Variants in CCNP observed in about 807,000 individuals in gnomAD.
CCNP encodes the protein cyclin-P.
Under a neutral mutation model 19.6 loss-of-function variants are expected in CCNP, and 18 were observed. The observed-to-expected ratio is 0.92, with a 90% CI of 0.64 to 1.36. CCNP has a LOEUF of 1.36. Ranked by LOEUF, CCNP falls within the 40% of genes most tolerant of loss-of-function variation. The pLI is 0.00. For synonymous variants in CCNP, 228 were observed against 194.9 expected (o/e 1.17, Z -1.41); for missense variants, 440 against 424.4 (o/e 1.04, Z -0.32).
intron 1 of CCNP, among the ~76,000 whole-genome samples, chr19:40,225,978 A>G (rs535713878): frequency 7.0e-4 from 107 of 152,286 alleles, no homozygotes; most frequent in African/African-American, 2.3e-3. Context: ...GGCGAGGCCA[A>G]TGTTTTGGTT....
chr19:40,224,853 C>T (rs1292467293), intron 1 of CCNP, 42 bp from the exon 2 acceptor site: 1 of 1,495,540 alleles, frequency 6.7e-7, no homozygotes, highest in East Asian at 2.5e-5. Context: ...ACACCTGTGC[C>T]TCTGCCTTTC....
rs1256851080 is a variant in CCNP, at chr19:40,224,584, G to A, written c.417C>T (p.Tyr139=). 1 of 1,614,104 alleles carries A rather than the reference G, an allele frequency of 6.2e-7. No individual in the cohort carries two copies. The highest frequency in any genetic ancestry group is 1.3e-5 in the African/African-American group (1 of 74,934). Residue 139 remains tyrosine, a synonymous_variant, in exon 3 of 5, where the codon TAC becomes TAT. Coordinates refer to ENST00000430325, the MANE Select transcript of CCNP (RefSeq NM_024877.4). The stretch of plus-strand genomic sequence containing the variant: ...GTAGACGCACGCGGCCAGCGCTCAG[G>A]TAGGAATCAAGCAGGTGAACCGCCA... ...LYLAVHLLDS[Y]LSAGRVRLHR... is the part of the protein sequence containing the mutation.
rs1404521441 is a variant in CCNP, at chr19:40,222,450, C to G, written c.*602G>C. 5.8e-5 allele frequency: 23 copies of G among 398,578 alleles called. No homozygotes were observed. Among genetic ancestry groups the G allele is most frequent in the Non-Finnish European group, 5.8e-5 (13 of 225,990 alleles). The allele number at this position is 398,578 out of a possible 1,614,324, so 24.7% of individuals were successfully genotyped here. A position where few individuals can be genotyped will look rare whatever the true frequency, so the allele number is the denominator to read the frequency against. ...AGCGCAGCGCGGGCCATGCACGGCT[C>G]GAGGGTGCCCAGTTCCTCGGGGCTG... On this transcript the variant is annotated 3_prime_UTR_variant, in exon 5 of 5. Coordinates refer to ENST00000430325, the MANE Select transcript of CCNP (RefSeq NM_024877.4).
rs111628764 is a variant in CCNP, at chr19:40,223,979, T to G, written c.514-433A>C. On this transcript the variant is annotated intron_variant, in intron 3 of 4. Transcript: ENST00000430325. ...CCCAAAGTGATTTGTTTTGTTTTTT[T>G]TTGTTGTTGTTGTTTGTTTTTTTGG... is the stretch of plus-strand genomic sequence containing the variant. Among the ~76,000 whole-genome samples the G allele has an allele frequency of 4.2e-3, 642 of 152,022 alleles. 5 individuals are homozygous for G. The highest frequency in any genetic ancestry group is 0.012 in the African/African-American group (504 of 41,396).
Position 40,222,288 on chromosome 19 carries a change from T to G in CCNP, c.*764A>C, listed in dbSNP as rs751067063. ...TTTTGTTTTTTGTTGTTGATTTTTTTGTGACTGAGTCCCAGTACTCAGGGA... is the reference window on the plus strand; with the variant it reads ...TTTTGTTTTTTGTTGTTGATTTTTTGGTGACTGAGTCCCAGTACTCAGGGA... On this transcript the variant is annotated 3_prime_UTR_variant, in exon 5 of 5. Transcript: ENST00000430325. 10 of 398,796 alleles carry G rather than the reference T, an allele frequency of 2.5e-5. No homozygotes were observed. The highest frequency in any genetic ancestry group is 3.5e-5 in the Non-Finnish European group (8 of 225,978). The allele number at this position is 398,796 out of a possible 1,614,324, so 24.7% of individuals were successfully genotyped here.
chr19:40,222,974 C>A lies in CCNP; in HGVS notation c.*78G>T. 1 of 815,388 alleles carries A rather than the reference C, an allele frequency of 1.2e-6. No homozygotes were observed. The highest frequency in any genetic ancestry group is 1.9e-6 in the Non-Finnish European group (1 of 517,622). The allele number at this position is 815,388 out of a possible 1,614,324, so 50.5% of individuals were successfully genotyped here. A position where few individuals can be genotyped will look rare whatever the true frequency, so the allele number is the denominator to read the frequency against. ...ACTCTGGGGCAAGGTTAAGAGACCC[C>A]AGATCTGGACTAATGGGGTCCTCCC... On this transcript the variant is annotated 3_prime_UTR_variant, in exon 5 of 5. Coordinates refer to ENST00000430325, the MANE Select transcript of CCNP (RefSeq NM_024877.4).
At chr19:40,224,961 G>A (rs890102396) in intron 1 of CCNP, 150 bp from the exon 2 acceptor site, 14 of 660,308 alleles carry the variant, frequency 2.1e-5, no homozygotes, top group Non-Finnish European at 3.4e-5. Context: ...CTCCTCTTAC[G>A]TGTCCTCACC....
chr19:40,224,845 ACCTGTGCCTCTGCCTTTCT>A, intron 1 of CCNP, 34 bp from the exon 2 acceptor site: 1 of 1,517,482 alleles, frequency 6.6e-7, no homozygotes, highest in Non-Finnish European at 8.9e-7. Flanking sequence ...CACTCTCCAC[ACCTGTGCCTCTGCCTTTCT>A]CCTGAGCTCC....
intron 1 of CCNP, chr19:40,225,055 G>A (rs1486341900): frequency 4.2e-6 from 2 of 473,596 alleles, no homozygotes; most frequent in Admixed American, 8.7e-5. Flanking sequence ...TAGGTTCCCA[G>A]ACTTCACTTT....
intron 2 of CCNP, 39 bp from the exon 3 acceptor site, chr19:40,224,682 C>T: frequency 1.2e-6 from 2 of 1,612,430 alleles, no homozygotes; most frequent in Non-Finnish European, 1.7e-6. Context: ...TCCTGGGCGG[C>T]GACGCAAACT....
chr19:40,226,109 A>G (rs1194383344), intron 1 of CCNP, among the ~76,000 whole-genome samples: 1 of 152,268 alleles, frequency 6.6e-6, no homozygotes, highest in Non-Finnish European at 1.5e-5. Context: ...TGTTAAACAA[A>G]TAAATGTGGA....
chr19:40,224,983 G>A, intron 1 of CCNP, 172 bp from the exon 2 acceptor site: 3 of 616,028 alleles, frequency 4.9e-6, no homozygotes, highest in Non-Finnish European at 8.5e-6. Flanking sequence ...AGAACTCTGG[G>A]CTTCGTTCCA....
Position 40,222,443 on chromosome 19 carries a change from C to T in CCNP, c.*609G>A, listed in dbSNP as rs1973460311. The T allele has an allele frequency of 1.5e-5, 6 of 398,638 alleles. No individual in the cohort carries two copies. The highest frequency in any genetic ancestry group is 1.3e-5 in the Non-Finnish European group (3 of 225,988). 24.7% of individuals were successfully genotyped at this position (398,638 alleles called of 1,614,324 possible). ...ACCTCGGAGCGCAGCGCGGGCCATG[C>T]ACGGCTCGAGGGTGCCCAGTTCCTC... On this transcript the variant is annotated 3_prime_UTR_variant, in exon 5 of 5. Coordinates refer to ENST00000430325, the MANE Select transcript of CCNP (RefSeq NM_024877.4).
rs763112058 is a variant in CCNP, at chr19:40,223,236, G to A, written c.740C>T (p.Pro247Leu). The A allele has an allele frequency of 1.2e-4, 191 of 1,546,582 alleles. No individual in the cohort carries two copies. The highest frequency in any genetic ancestry group is 1.5e-4 in the Non-Finnish European group (166 of 1,144,164). ...CAGAGCCGCAGCCGCACGACGACCC[G>A]GCTCCCATCCCGCCGCCTCGGCCTC... Reference protein sequence around the residue: ...LLEAEAAGWEPGRRAAAALSL... With the variant: ...LLEAEAAGWELGRRAAAALSL... The change falls in exon 5 of 5, where the codon CCG becomes CTG. Residue 247 changes from proline to leucine, a missense_variant. Physicochemically the swap from Pro to Leu is moderately conservative, Grantham distance 98. Transcript: ENST00000430325.
Position 40,226,367 on chromosome 19 carries a change from A to G in CCNP, c.267+8T>C. On this transcript the variant is annotated splice_region_variant and intron_variant, in intron 1 of 4. Transcript: ENST00000430325. ...GCCCTCACCAGGGCAGGCGGCGGGT[A>G]GGCTCACCATGACTTCGGCGAAGAT... is the stretch of plus-strand genomic sequence containing the variant. 1.2e-6 allele frequency: 2 copies of G among 1,603,906 alleles called. No homozygotes were observed. Among genetic ancestry groups the G allele is most frequent in the Non-Finnish European group, 8.5e-7 (1 of 1,178,918 alleles).
Position 40,226,464 on chromosome 19 carries a change from C to A in CCNP, c.178G>T (p.Ala60Ser). The A allele has an allele frequency of 6.2e-7, 1 of 1,608,142 alleles. No homozygotes were observed. The highest frequency in any genetic ancestry group is 8.5e-7 in the Non-Finnish European group (1 of 1,178,602). Residue 60 changes from alanine to serine, a missense_variant, in exon 1 of 5, where the codon GCG (alanine) becomes TCG (serine). Ala to Ser is a moderately conservative substitution (Grantham distance 99). Transcript: ENST00000430325. ...AGPTVSPRRL[A>S]RPPGLEEALS... is the part of the protein sequence containing the mutation. ...GCCTCCTCCAGCCCCGGCGGCCTCG[C>A]CAGGCGTCTTGGGGAGACAGTGGGG...
chr19:40,226,251 G>A (rs2145120005), intron 1 of CCNP, 124 bp downstream of exon 1: 1 of 828,098 alleles, frequency 1.2e-6, no homozygotes. Flanking sequence ...TTGCAGGGAA[G>A]GAACGCCGGC....
At position 40,224,581 on chromosome 19, in the gene CCNP, CAGGT is replaced by C; in HGVS notation, c.416_419del (p.Tyr139Ter). On this transcript the variant is annotated frameshift_variant, in exon 3 of 5. Coordinates refer to ENST00000430325, the MANE Select transcript of CCNP (RefSeq NM_024877.4). LOFTEE classifies it high-confidence loss of function. ...GATGTAGACGCACGCGGCCAGCGCT[CAGGT>C]AGGAATCAAGCAGGTGAACCGCCAG... 6.2e-7 allele frequency: 1 copy of C among 1,614,196 alleles called. No individual in the cohort carries two copies. Among genetic ancestry groups the C allele is most frequent in the Non-Finnish European group, 8.5e-7 (1 of 1,180,032 alleles).
Position 40,223,474 on chromosome 19 carries a change from G to T in CCNP, c.586C>A (p.Leu196Met). 4 of 1,611,168 alleles carry T rather than the reference G, an allele frequency of 2.5e-6. No homozygotes were observed. Among genetic ancestry groups the T allele is most frequent in the Non-Finnish European group, 2.5e-6 (3 of 1,178,362 alleles). Residue 196 changes from leucine to methionine, a missense_variant, in exon 4 of 5, where the codon CTG becomes ATG. Transcript: ENST00000430325. ...TGCAGCCGGAAATCCAGGCGGCTCA[G>T]GATGCGACGCTCGGCGCGCAGCAGC... is the stretch of plus-strand genomic sequence containing the variant. ...AELLRAERRI[L>M]SRLDFRLHHP...
Sources: allele counts gnomAD v4.1 joint callset (sites outside exome capture counted in the v4.1 genomes callset), GRCh38; gene constraint gnomAD v4.1.1; transcripts MANE v1.5; gene names NCBI Gene and HGNC (gene_info 2026-07-23, HGNC 2026-07-21).